The following LRRTM4 variants were observed in gnomAD, a reference collection of about 807,000 sequenced individuals.
LRRTM4 encodes leucine rich repeat transmembrane neuronal 4.
Under a neutral mutation model 47.6 loss-of-function variants are expected in LRRTM4, and 25 were observed. That is an observed-to-expected ratio of 0.53 (90% CI 0.38 to 0.73). The LOEUF (loss-of-function observed/expected upper bound fraction) is 0.73, where lower values mean the gene tolerates loss of function less well. Among genes scored for constraint, LRRTM4 ranks in the 30% least tolerant of loss-of-function variants. LRRTM4 has a pLI of 0.00. For missense variants in LRRTM4, 638 were observed against 713.4 expected, an observed-to-expected ratio of 0.89 and a Z score of 1.20; for synonymous variants, 311 against 269.5, an observed-to-expected ratio of 1.15 and a Z score of -1.51.
chr2:77,121,803 G>A (rs1187447189), intron 3 of LRRTM4, among the ~76,000 whole-genome samples: 1 of 151,782 alleles, frequency 6.6e-6, no homozygotes, highest in Non-Finnish European at 1.5e-5. Flanking sequence ...TAAGGTTACC[G>A]TCTTTTTGAG....
At chr2:76,954,726 A>C (rs1449129754) in intron 3 of LRRTM4, among the ~76,000 whole-genome samples, 1 of 151,836 alleles carries the variant, frequency 6.6e-6, no homozygotes, top group Non-Finnish European at 1.5e-5. Flanking sequence ...AAAGAAGCCC[A>C]CGCTGATATA....
chr2:76,794,537 C>CTTAA (rs141825183), intron 3 of LRRTM4, among the ~76,000 whole-genome samples: 10,015 of 152,216 alleles, frequency 0.066, 350 homozygotes, highest in Middle Eastern at 0.099. Context: ...TCTATCTAGA[C>CTTAA]TTAATTGAAT....
chr2:76,837,610 C>T lies in LRRTM4; in HGVS notation c.1552-88694G>A, dbSNP rs1671552231. Among the ~76,000 whole-genome samples the T allele has an allele frequency of 3.9e-5, 6 of 152,116 alleles. No homozygotes were observed. In the South Asian group the frequency reaches 1.2e-3, roughly 32 times the overall value. Reference sequence around the variant, plus strand: ...GGTATATACCCAAAGGATTATAAATCATGCTGCTATAAAGACACATGCACA... The same window carrying T: ...GGTATATACCCAAAGGATTATAAATTATGCTGCTATAAAGACACATGCACA... On this transcript the variant is annotated intron_variant, in intron 3 of 3. Transcript: ENST00000409884.
chr2:77,453,965 T>C (rs1188077564), intron 3 of LRRTM4, among the ~76,000 whole-genome samples: 2 of 152,228 alleles, frequency 1.3e-5, no homozygotes, highest in Non-Finnish European at 2.9e-5. Flanking sequence ...AGTTAGCATC[T>C]GCTTACCTCT....
At chr2:76,794,484 C>T (rs1187021379) in intron 3 of LRRTM4, among the ~76,000 whole-genome samples, 1 of 152,126 alleles carries the variant, frequency 6.6e-6, no homozygotes. Context: ...TTCAAAATTT[C>T]ACTTATTACT....
chr2:76,799,498 C>T (rs1357398158), intron 3 of LRRTM4, among the ~76,000 whole-genome samples: 3 of 144,064 alleles, frequency 2.1e-5, no homozygotes, highest in East Asian at 4.1e-4. Context: ...TAATATCATA[C>T]TGAATGGGCA....
chr2:76,988,784 C>T (rs756991513), intron 3 of LRRTM4, among the ~76,000 whole-genome samples: 6 of 151,082 alleles, frequency 4.0e-5, no homozygotes, highest in East Asian at 3.9e-4. Flanking sequence ...CTTCCCCACG[C>T]GTTACCTGGA....
At chr2:77,520,612 G>A (rs543417240) in intron 2 of LRRTM4, among the ~76,000 whole-genome samples, 6 of 151,990 alleles carry the variant, frequency 3.9e-5, no homozygotes, top group South Asian at 2.1e-4. Context: ...ATCAAAATTC[G>A]TATTATTTGC....
intron 3 of LRRTM4, among the ~76,000 whole-genome samples, chr2:77,360,322 T>A (rs1048950254): frequency 6.6e-6 from 1 of 152,004 alleles, no homozygotes; most frequent in Non-Finnish European, 1.5e-5. Context: ...CCGTGCGTGG[T>A]GGCAGGTGCC....
chr2:77,029,713 T>A (rs1410595129), intron 3 of LRRTM4, among the ~76,000 whole-genome samples: 1 of 152,158 alleles, frequency 6.6e-6, no homozygotes, highest in Non-Finnish European at 1.5e-5. Flanking sequence ...TGCGAATTTC[T>A]GAAGAGAGGG....
At position 77,066,732 on chromosome 2, in the gene LRRTM4, G is replaced by A. The variant is rs545911236; in HGVS notation, c.1552-317816C>T. 5.3e-5 allele frequency among the ~76,000 whole-genome samples: 8 copies of A among 152,304 alleles called. No homozygotes were observed. In the East Asian group the frequency reaches 1.2e-3, roughly 22 times the overall value. On this transcript the variant is annotated intron_variant, in intron 3 of 3. Coordinates refer to ENST00000409884, the MANE Select transcript of LRRTM4 (RefSeq NM_001134745.3). The stretch of plus-strand genomic sequence containing the variant: ...ACCTGTATATTTTTACATAGGAAAG[G>A]TATGTGTGAAGTATTAAAATAATAG...
At chr2:77,313,013 G>T (rs1278030918) in intron 3 of LRRTM4, among the ~76,000 whole-genome samples, 4 of 152,044 alleles carry the variant, frequency 2.6e-5, no homozygotes, top group Admixed American at 2.0e-4. Context: ...ATCTCTTTAG[G>T]ATATTTTATT....
intron 3 of LRRTM4, among the ~76,000 whole-genome samples, chr2:76,772,042 T>C (rs1573074810): frequency 6.6e-6 from 1 of 152,186 alleles, no homozygotes; most frequent in East Asian, 1.9e-4. Flanking sequence ...GGACCGAATG[T>C]TGTATCTCCC....
intron 3 of LRRTM4, among the ~76,000 whole-genome samples, chr2:77,206,267 G>A (rs149212036): frequency 0.01 from 1,532 of 149,724 alleles, 27 homozygotes; most frequent in African/African-American, 0.033. Flanking sequence ...TAACCTCTGC[G>A]TCCTGGGTTC....
At chr2:76,986,015 C>G (rs542824536) in intron 3 of LRRTM4, 2 of 152,088 alleles carry the variant, frequency 1.3e-5, no homozygotes, top group South Asian at 4.2e-4. Flanking sequence ...GAGTTCTCGA[C>G]CTTCCATTCG....
intron 3 of LRRTM4, among the ~76,000 whole-genome samples, chr2:76,787,928 A>ATCTT (rs1282181802): frequency 6.6e-6 from 1 of 152,098 alleles, no homozygotes; most frequent in Non-Finnish European, 1.5e-5. Flanking sequence ...ATTAAGTAAA[A>ATCTT]TCTTTAACAT....
At chr2:77,129,967 A>AT (rs1158860782) in intron 3 of LRRTM4, among the ~76,000 whole-genome samples, 1 of 152,046 alleles carries the variant, frequency 6.6e-6, no homozygotes, top group East Asian at 1.9e-4. Context: ...AAAAACAAGC[A>AT]TTTTTTTCTT....
At chr2:77,147,580 T>A (rs1355215165) in intron 3 of LRRTM4, among the ~76,000 whole-genome samples, 2 of 152,196 alleles carry the variant, frequency 1.3e-5, no homozygotes, top group Non-Finnish European at 2.9e-5. Context: ...CTTCCCCAAA[T>A]ACCACTGAAG....
At chr2:76,900,370 T>G (rs997554468) in intron 3 of LRRTM4, among the ~76,000 whole-genome samples, 6 of 151,720 alleles carry the variant, frequency 4.0e-5, no homozygotes, top group African/African-American at 1.5e-4. Flanking sequence ...GCAATATGTA[T>G]CAAAGGTTTC....
Sources: gnomAD v4.1 joint callset for allele counts (sites outside exome capture counted in the v4.1 genomes callset) on GRCh38, gnomAD v4.1.1 for gene constraint, MANE v1.5 for transcripts, NCBI Gene and HGNC (gene_info 2026-07-23, HGNC 2026-07-21) for gene names.